The following NBPF11 variants were observed in gnomAD, a reference collection of about 807,000 sequenced individuals.
NBPF11 encodes NBPF member 11.
Under a neutral mutation model 93.9 loss-of-function variants are expected in NBPF11, and 72 were observed. That is an observed-to-expected ratio of 0.77 (90% CI 0.63 to 0.93). The LOEUF (loss-of-function observed/expected upper bound fraction) is 0.93. Among genes scored for constraint, NBPF11 ranks in the 40% least tolerant of loss-of-function variants. The pLI is 0.00. For synonymous variants in NBPF11, 224 were observed against 304.9 expected (o/e 0.73, Z 2.76); for missense variants, 705 against 802.2 (o/e 0.88, Z 1.46).
At chr1:148,142,428 G>A (rs1417949985) in intron 2 of NBPF11, among the ~76,000 whole-genome samples, 4 of 151,542 alleles carry the variant, frequency 2.6e-5, no homozygotes, top group Non-Finnish European at 5.9e-5. Context: ...AGAATGAGAT[G>A]AGACAGTGGA....
At position 148,123,183 on chromosome 1, in the gene NBPF11, C is replaced by A. The variant is rs1470476939; in HGVS notation, c.494-382G>T. On this transcript the variant is annotated intron_variant, in intron 7 of 23. Coordinates refer to ENST00000682118, the MANE Select transcript of NBPF11 (RefSeq NM_001385469.3). ...CCTCATTCATTCTCTTAGGAGAGGA[C>A]AAACTTGTCCCACAGTCCTCTATGC... Among the ~76,000 whole-genome samples, 44 of 152,080 alleles carry A rather than the reference C, an allele frequency of 2.9e-4. No homozygotes were observed. The South Asian group carries it at 8.7e-3, about 30-fold the overall frequency.
chr1:148,104,033 G>A, intron 23 of NBPF11, 121 bp from the exon 24 acceptor site: 1 of 1,596,080 alleles, frequency 6.3e-7, no homozygotes, highest in Non-Finnish European at 8.6e-7. Flanking sequence ...ATCCATTAAT[G>A]AGGTAACAAA....
rs1668476577 is a variant in NBPF11 at position 148,123,901 on chromosome 1, C to T, written c.445G>A (p.Ala149Thr). Reference sequence around the variant, plus strand: ...TGCTGTGCCAGTCTACACCCCTCAGCCAGCTGTTCTTGGAGGTCCTGCCCC... The same window carrying T: ...TGCTGTGCCAGTCTACACCCCTCAGTCAGCTGTTCTTGGAGGTCCTGCCCC... ...SQGQDLQEQL[A>T]EGCRLAQHLV... Residue 149 changes from alanine to threonine, a missense_variant, in exon 7 of 24, where the codon GCT (alanine) becomes ACT (threonine). Around this residue, in one of 12 missense-constraint regions of NBPF11, gnomAD observed 10 missense variants for 65.1 expected, o/e 0.15. Coordinates refer to ENST00000682118, the MANE Select transcript of NBPF11 (RefSeq NM_001385469.3). 2 of 1,605,948 alleles carry T rather than the reference C, an allele frequency of 1.2e-6. No homozygotes were observed. Among genetic ancestry groups the T allele is most frequent in the Admixed American group, 1.7e-5 (1 of 59,816 alleles).
At chr1:148,113,039 C>A (rs28791314) in intron 15 of NBPF11, among the ~76,000 whole-genome samples, 3 of 151,920 alleles carry the variant, frequency 2.0e-5, no homozygotes, top group African/African-American at 7.3e-5. Flanking sequence ...AGACCATTGA[C>A]GCTAGGAAGA....
chr1:148,129,060 A>C (rs1487050267), intron 4 of NBPF11, among the ~76,000 whole-genome samples: 3 of 143,784 alleles, frequency 2.1e-5, no homozygotes, highest in Non-Finnish European at 3.0e-5. Context: ...TGACGAGTTA[A>C]TGGGTGCAGC....
intron 3 of NBPF11, among the ~76,000 whole-genome samples, chr1:148,137,133 T>C (rs1351951956): frequency 1.3e-5 from 2 of 151,982 alleles, no homozygotes; most frequent in Non-Finnish European, 2.9e-5. Context: ...ATGCCAGTTA[T>C]ATGACTTTAA....
At chr1:148,151,541 A>C (rs1648327400) in intron 1 of NBPF11, among the ~76,000 whole-genome samples, 1 of 151,960 alleles carries the variant, frequency 6.6e-6, no homozygotes, top group Non-Finnish European at 1.5e-5. Context: ...CGCCCACGAG[A>C]GGAGGGCTGC....
intron 16 of NBPF11, among the ~76,000 whole-genome samples, 188 bp downstream of exon 16, chr1:148,110,190 G>A (rs1423390337): frequency 1.3e-5 from 2 of 151,908 alleles, no homozygotes; most frequent in African/African-American, 4.9e-5. Context: ...AGAGAGCAAA[G>A]CTCACTGACC....
chr1:148,143,134 G>A (rs1334472802), intron 2 of NBPF11, among the ~76,000 whole-genome samples: 27 of 151,864 alleles, frequency 1.8e-4, no homozygotes, highest in Non-Finnish European at 3.7e-4. Context: ...GGAAGAGAGA[G>A]GAGAGGGATG....
chr1:148,105,507 C>A lies in NBPF11; in HGVS notation c.2325G>T (p.Glu775Asp), dbSNP rs1287100444. The change falls in exon 22 of 24, where the codon GAG becomes GAT. Residue 775 changes from glutamate to aspartate, a missense_variant. Transcript: ENST00000682118. ...PCPRLSRELL[E>D]VVEPEVLQDS... ...CCTGCAAGACTTCAGGCTCTACTAC[C>A]TCCAGCAGCTCCCTGCTGAGCCTGG... 23 of 969,482 alleles carry A rather than the reference C, an allele frequency of 2.4e-5. 1 individual carries two copies. Among genetic ancestry groups the A allele is most frequent in the Non-Finnish European group, 3.2e-5 (20 of 631,064 alleles). 60.1% of individuals were successfully genotyped at this position (969,482 alleles called of 1,614,324 possible).
At chr1:148,134,008 C>T (rs1361606167) in intron 4 of NBPF11, among the ~76,000 whole-genome samples, 6 of 152,042 alleles carry the variant, frequency 3.9e-5, no homozygotes, top group East Asian at 1.9e-4. Context: ...CCAAGTCCCA[C>T]GGCCTGTCCT....
Position 148,118,701 on chromosome 1 carries a change from A to T in NBPF11, c.1010T>A (p.Leu337His). Residue 337 changes from leucine to histidine, a missense_variant, in exon 11 of 24, where the codon CTC (leucine) becomes CAC (histidine). Leu to His is a moderately conservative substitution (Grantham distance 99). Coordinates refer to ENST00000682118, the MANE Select transcript of NBPF11 (RefSeq NM_001385469.3). ...NKYKYEECKD[L>H]IKSMLRNERQ... ...CTCATTCCTCAGCATAGATTTTATGAGGTCTTTGCACTCTTCATATTCTGA... is the reference window on the plus strand; with the variant it reads ...CTCATTCCTCAGCATAGATTTTATGTGGTCTTTGCACTCTTCATATTCTGA... 6.2e-7 allele frequency: 1 copy of T among 1,612,820 alleles called. No homozygotes were observed.
chr1:148,139,052 T>C (rs1448600542), intron 2 of NBPF11, among the ~76,000 whole-genome samples: 106 of 151,306 alleles, frequency 7.0e-4, no homozygotes, highest in Admixed American at 1.8e-3. Context: ...GATGGCGCCG[T>C]TGCATTCGAG....
intron 4 of NBPF11, among the ~76,000 whole-genome samples, chr1:148,134,408 A>G (rs2149273165): frequency 1.3e-5 from 2 of 148,922 alleles, no homozygotes; most frequent in East Asian, 3.9e-4. Flanking sequence ...CCTAACTAGA[A>G]GTGTGCACAC....
At chr1:148,107,511 C>A (rs1342232338) in intron 19 of NBPF11, among the ~76,000 whole-genome samples, 200 bp downstream of exon 19, 1 of 152,240 alleles carries the variant, frequency 6.6e-6, no homozygotes, top group Non-Finnish European at 1.5e-5. Context: ...GTATGGTCAA[C>A]CTATAGTAAG....
chr1:148,119,456 G>A (rs1430581054), intron 10 of NBPF11, among the ~76,000 whole-genome samples: 3 of 151,916 alleles, frequency 2.0e-5, no homozygotes, highest in Non-Finnish European at 4.4e-5. Context: ...AACAGGTGAG[G>A]AAACTGAGGG....
chr1:148,115,529 G>A (rs878963797), intron 14 of NBPF11, among the ~76,000 whole-genome samples: 1 of 151,662 alleles, frequency 6.6e-6, no homozygotes, highest in South Asian at 2.1e-4. Flanking sequence ...AAGTTAGGAG[G>A]CCTGACAGAT....
rs1662867289 is a variant in NBPF11, at chr1:148,103,858, C to A, written c.*38G>T. On this transcript the variant is annotated 3_prime_UTR_variant, in exon 24 of 24. Coordinates refer to ENST00000682118, the MANE Select transcript of NBPF11 (RefSeq NM_001385469.3). ...TTGATGGAGTCGAATAATATCTATC[C>A]AGTGAGTCCTGTAAGACTTCAGGCA... 3.1e-6 allele frequency: 5 copies of A among 1,611,212 alleles called. No individual in the cohort carries two copies. The South Asian group carries it at 4.4e-5, about 14-fold the overall frequency.
rs1553273223 is a variant in NBPF11, at chr1:148,126,859, C to A, written c.145G>T (p.Gly49Cys). The A allele has an allele frequency of 6.6e-6, 10 of 1,511,474 alleles. No individual in the cohort carries two copies. In the African/African-American group the frequency reaches 1.4e-4, roughly 21 times the overall value. The allele number at this position is 1,511,474 out of a possible 1,614,324, so 93.6% of individuals were successfully genotyped here. The part of the protein sequence containing the change: ...KERCFLTQLA[G>C]FLANRQKKYK... ...TTCTTCTGTCGGTTGGCCAGGAAGCCGGCCAGTTGAGTTAGAAAACATCTC... is the reference window on the plus strand; with the variant it reads ...TTCTTCTGTCGGTTGGCCAGGAAGCAGGCCAGTTGAGTTAGAAAACATCTC... The change falls in exon 5 of 24, where the codon GGC becomes TGC. Residue 49 changes from glycine (G) to cysteine (C), a missense_variant. This residue lies in a region of NBPF11 where 128 missense variants were observed against 112.8 expected (regional missense o/e 1.14). Coordinates refer to ENST00000682118, the MANE Select transcript of NBPF11 (RefSeq NM_001385469.3).
Sources: allele counts gnomAD v4.1 joint callset (sites outside exome capture counted in the v4.1 genomes callset), GRCh38; gene constraint gnomAD v4.1.1; regional missense constraint gnomAD v4.1.1; transcripts MANE v1.5; gene names NCBI Gene and HGNC (gene_info 2026-07-23, HGNC 2026-07-21).